Variants in SYT1 observed in about 807,000 individuals in gnomAD.
SYT1 encodes synaptotagmin 1.
Under a neutral mutation model 44.8 loss-of-function variants are expected in SYT1, and 8 were observed. That is an observed-to-expected ratio of 0.18 (90% CI 0.10 to 0.32). The LOEUF (loss-of-function observed/expected upper bound fraction) is 0.32. SYT1 is among the 10% of genes least tolerant of loss of function. The pLI, the probability that SYT1 is intolerant of heterozygous loss-of-function variation, is 1.00. For missense variants in SYT1, 286 were observed against 509.3 expected (o/e 0.56, Z 4.22); for synonymous variants, 154 against 188.8 (o/e 0.82, Z 1.51).
At chr12:79,412,745 G>A (rs1868508778) in intron 9 of SYT1, among the ~76,000 whole-genome samples, 1 of 152,112 alleles carries the variant, frequency 6.6e-6, no homozygotes, top group Non-Finnish European at 1.5e-5. Context: ...CAAATAATAT[G>A]CATATCTTAA....
intron 8 of SYT1, among the ~76,000 whole-genome samples, chr12:79,350,749 C>T (rs1264955557): frequency 6.6e-6 from 1 of 152,074 alleles, no homozygotes; most frequent in African/African-American, 2.4e-5. Context: ...ATTCTTAGGG[C>T]ATTAGGGAAA....
intron 8 of SYT1, among the ~76,000 whole-genome samples, chr12:79,311,632 T>C (rs1442750364): frequency 7.5e-6 from 1 of 133,938 alleles, no homozygotes; most frequent in Admixed American, 7.8e-5. Context: ...TGTCCAACAA[T>C]GATAGACTGG....
At chr12:79,234,668 G>T (rs1327928174) in intron 4 of SYT1, among the ~76,000 whole-genome samples, 2 of 148,438 alleles carry the variant, frequency 1.3e-5, no homozygotes, top group Admixed American at 1.3e-4. Context: ...AGACATTTAG[G>T]TTATTTCTAG....
At chr12:79,308,573 GAAAAGA>G (rs1565901264) in intron 8 of SYT1, among the ~76,000 whole-genome samples, 99 of 134,340 alleles carry the variant, frequency 7.4e-4, no homozygotes, top group African/African-American at 2.6e-3. Flanking sequence ...GGAAAAGAAA[GAAAAGA>G]AGGAAAAGAA....
At chr12:78,951,581 A>C (rs1592598189) in intron 1 of SYT1, among the ~76,000 whole-genome samples, 1 of 152,300 alleles carries the variant, frequency 6.6e-6, no homozygotes, top group East Asian at 1.9e-4. Context: ...AGTAATTGGA[A>C]TACTCCAAGG....
chr12:79,398,280 C>T (rs1345655803), intron 9 of SYT1, among the ~76,000 whole-genome samples: 1 of 152,114 alleles, frequency 6.6e-6, no homozygotes, highest in Non-Finnish European at 1.5e-5. Flanking sequence ...ATACTAAGGG[C>T]CATGCTCTGA....
At chr12:79,404,010 T>C (rs1475359194) in intron 9 of SYT1, among the ~76,000 whole-genome samples, 1 of 152,124 alleles carries the variant, frequency 6.6e-6, no homozygotes, top group African/African-American at 2.4e-5. Flanking sequence ...TCAAGATAAG[T>C]CATATTTTAT....
chr12:78,976,814 C>T (rs1868872738), intron 1 of SYT1: 1 of 152,036 alleles, frequency 6.6e-6, no homozygotes, highest in Non-Finnish European at 1.5e-5. Context: ...AATGTATGCT[C>T]TACTATGCAA....
chr12:79,198,959 G>A (rs191591256), intron 3 of SYT1, among the ~76,000 whole-genome samples: 71 of 152,238 alleles, frequency 4.7e-4, no homozygotes, highest in Middle Eastern at 3.4e-3. Context: ...GGGGAAGCCC[G>A]CATGAATTTT....
intron 3 of SYT1, among the ~76,000 whole-genome samples, chr12:79,136,966 T>C (rs976876347): frequency 1.3e-5 from 2 of 152,230 alleles, no homozygotes; most frequent in African/African-American, 4.8e-5. Context: ...TGGGTAGTTA[T>C]TTCTATGGGT....
chr12:79,337,312 C>T (rs1042440130), intron 8 of SYT1, among the ~76,000 whole-genome samples: 1 of 152,182 alleles, frequency 6.6e-6, no homozygotes, highest in Non-Finnish European at 1.5e-5. Context: ...AGAAGGAAAA[C>T]TTTCCTTGGG....
chr12:79,348,771 G>A (rs1158251010), intron 8 of SYT1, among the ~76,000 whole-genome samples: 1 of 151,936 alleles, frequency 6.6e-6, no homozygotes, highest in Non-Finnish European at 1.5e-5. Flanking sequence ...GTTGGTAGTA[G>A]CAGAGGTCAT....
At chr12:78,977,691 C>CATAAGCAGAAGTCTATACCCAGTCA (rs1565745944) in intron 1 of SYT1, 108 bp from the exon 2 acceptor site, 1 of 152,234 alleles carries the variant, frequency 6.6e-6, no homozygotes, top group South Asian at 2.1e-4. Flanking sequence ...GAATGGGCTG[C>CATAAGCAGAAGTCTATACCCAGTCA]ATAAGCAGAA....
At chr12:79,173,534 A>G (rs1488180539) in intron 3 of SYT1, among the ~76,000 whole-genome samples, 3 of 152,096 alleles carry the variant, frequency 2.0e-5, no homozygotes, top group Non-Finnish European at 4.4e-5. Context: ...AAGAGTAAAA[A>G]TAAGTGTTCC....
intron 4 of SYT1, among the ~76,000 whole-genome samples, chr12:79,249,449 G>A (rs1289729470): frequency 6.6e-6 from 1 of 152,112 alleles, no homozygotes; most frequent in Non-Finnish European, 1.5e-5. Context: ...TTGGAAGTGT[G>A]AGTGGTGAGA....
chr12:79,335,390 C>CTT (rs72071132), intron 8 of SYT1, among the ~76,000 whole-genome samples: 2 of 137,794 alleles, frequency 1.5e-5, no homozygotes, highest in South Asian at 4.7e-4. Context: ...TTCTCTGATG[C>CTT]TTTTTTTTTT....
intron 1 of SYT1, 51 bp downstream of exon 1, chr12:78,865,160 C>G (rs2137024727): frequency 6.6e-6 from 1 of 152,298 alleles, no homozygotes; most frequent in South Asian, 2.1e-4. Flanking sequence ...CCTATCTGCT[C>G]GAATCCATCC....
chr12:79,395,056 C>A (rs961703577), intron 9 of SYT1, among the ~76,000 whole-genome samples: 1 of 151,758 alleles, frequency 6.6e-6, no homozygotes, highest in Admixed American at 6.6e-5. Context: ...ACATAATAAG[C>A]CTTAAATACA....
chr12:79,313,687 G>C (rs1880924808), intron 8 of SYT1, among the ~76,000 whole-genome samples: 1 of 151,566 alleles, frequency 6.6e-6, no homozygotes. Flanking sequence ...CTACAGGGTA[G>C]ATTAAAGCTC....
Sources: allele counts gnomAD v4.1 joint callset (sites outside exome capture counted in the v4.1 genomes callset), GRCh38; gene constraint gnomAD v4.1.1; transcripts MANE v1.5; gene names NCBI Gene and HGNC (gene_info 2026-07-23, HGNC 2026-07-21).